The following ZNF423 variants were observed in gnomAD, a reference collection of about 807,000 sequenced individuals.
ZNF423 encodes Ebf-associated zinc finger protein.
Under a neutral mutation model 95.8 loss-of-function variants are expected in ZNF423, and 12 were observed. That is an observed-to-expected ratio of 0.13 (90% CI 0.08 to 0.20). The LOEUF is 0.20. Among genes scored for constraint, ZNF423 ranks in the 10% least tolerant of loss-of-function variants. The pLI is 1.00. For synonymous variants in ZNF423, 749 were observed against 711.9 expected (o/e 1.05, Z -0.83); for missense variants, 1,316 against 1,737.1 (o/e 0.76, Z 4.31).
chr16:49,747,055 G>A (rs577035857), intron 2 of ZNF423, among the ~76,000 whole-genome samples: 1 of 152,180 alleles, frequency 6.6e-6, no homozygotes, highest in Non-Finnish European at 1.5e-5. Flanking sequence ...TCGGGGGAAA[G>A]AGTTTGAGCC....
At chr16:49,734,883 G>A (rs1010796589) in intron 2 of ZNF423, among the ~76,000 whole-genome samples, 12 of 152,204 alleles carry the variant, frequency 7.9e-5, no homozygotes, top group African/African-American at 2.9e-4. Context: ...GGCACCTTAT[G>A]AGTTGATGTC....
rs1322789026 is a variant in ZNF423, at chr16:49,746,249, T to C, written c.101-15278A>G. Among the ~76,000 whole-genome samples, 6 of 152,236 alleles carry C rather than the reference T, an allele frequency of 3.9e-5. No homozygotes were observed. In the East Asian group the frequency reaches 9.7e-4, roughly 24 times the overall value. On this transcript the variant is annotated intron_variant, in intron 2 of 7. Transcript: ENST00000563137. ...TTCCTGCACCGTTAAAGGAATCACCTGGCCACTGGGTGCGGGAAGAAAATG... is the reference window on the plus strand; with the variant it reads ...TTCCTGCACCGTTAAAGGAATCACCCGGCCACTGGGTGCGGGAAGAAAATG...
rs544525518 is a variant in ZNF423, at chr16:49,634,097, G to A, written c.3516+1563C>T. 8.2e-4 allele frequency among the ~76,000 whole-genome samples: 125 copies of A among 151,816 alleles called. 1 individual carries two copies. The highest frequency in any genetic ancestry group is 1.6e-3 in the Non-Finnish European group (107 of 67,940). ...AAATTTTTGTATTTTTAGTAGAGAC[G>A]GGGTTTCACCGTGTTGGCCAGGATG... is the stretch of plus-strand genomic sequence containing the variant. On this transcript the variant is annotated intron_variant, in intron 4 of 7. Coordinates refer to ENST00000563137, the MANE Select transcript of ZNF423 (RefSeq NM_001379286.1).
At chr16:49,775,959 C>G (rs2034113117) in intron 2 of ZNF423, among the ~76,000 whole-genome samples, 1 of 152,260 alleles carries the variant, frequency 6.6e-6, no homozygotes, top group South Asian at 2.1e-4. Context: ...TAACCTCTAG[C>G]ATAATCCCAA....
chr16:49,824,350 GC>G (rs948572593), intron 1 of ZNF423, among the ~76,000 whole-genome samples: 8 of 152,122 alleles, frequency 5.3e-5, no homozygotes, highest in African/African-American at 1.7e-4. Context: ...TAAGGTACAG[GC>G]CCATGGTTCC....
intron 5 of ZNF423, among the ~76,000 whole-genome samples, chr16:49,621,631 GT>G (rs1420551858): frequency 6.6e-6 from 1 of 152,160 alleles, no homozygotes; most frequent in African/African-American, 2.4e-5. Context: ...TACCCACCAA[GT>G]CCCCCTGGTG....
chr16:49,569,965 G>A (rs887671079), intron 5 of ZNF423, among the ~76,000 whole-genome samples: 3 of 152,188 alleles, frequency 2.0e-5, no homozygotes, highest in Non-Finnish European at 4.4e-5. Context: ...ATTCAGAGCT[G>A]CTAAAGGAGG....
At chr16:49,642,807 T>TC (rs1315857375) in intron 3 of ZNF423, among the ~76,000 whole-genome samples, 17,826 of 143,138 alleles carry the variant, frequency 0.12, 1,623 homozygotes, top group South Asian at 0.28. Flanking sequence ...TTTTCTTTTT[T>TC]TTTTTTTTTT....
At chr16:49,532,996 G>A (rs1968913400) in intron 5 of ZNF423, among the ~76,000 whole-genome samples, 1 of 152,122 alleles carries the variant, frequency 6.6e-6, no homozygotes, top group Non-Finnish European at 1.5e-5. Context: ...CGTGGGTGTG[G>A]GTGGGAAGGG....
chr16:49,768,771 C>A (rs1021207779), intron 2 of ZNF423, among the ~76,000 whole-genome samples: 3 of 152,156 alleles, frequency 2.0e-5, no homozygotes, highest in Admixed American at 6.5e-5. Flanking sequence ...CAGCCACACA[C>A]TCATGGCACC....
chr16:49,655,894 T>C (rs1381080061), intron 3 of ZNF423, among the ~76,000 whole-genome samples: 3 of 152,158 alleles, frequency 2.0e-5, no homozygotes, highest in South Asian at 2.1e-4. Flanking sequence ...GCAGAGCACA[T>C]ACAATTGAAG....
chr16:49,564,997 A>G (rs780382952), intron 5 of ZNF423, among the ~76,000 whole-genome samples: 2 of 152,190 alleles, frequency 1.3e-5, no homozygotes, highest in Admixed American at 6.5e-5. Flanking sequence ...AACTTTTCTC[A>G]GAGTTCCATC....
intron 1 of ZNF423, chr16:49,854,014 G>A (rs2035329598): frequency 1.0e-6 from 1 of 985,290 alleles, no homozygotes; most frequent in Non-Finnish European, 1.2e-6. Flanking sequence ...CAGTGAGCCA[G>A]GGAAAGAGAA....
At chr16:49,837,153 C>T (rs1178651056) in intron 1 of ZNF423, among the ~76,000 whole-genome samples, 1 of 152,136 alleles carries the variant, frequency 6.6e-6, no homozygotes, top group Non-Finnish European at 1.5e-5. Flanking sequence ...CCCTCCACCT[C>T]CCACCCCAGT....
intron 2 of ZNF423, among the ~76,000 whole-genome samples, chr16:49,774,773 G>A (rs2034093147): frequency 6.6e-6 from 1 of 152,150 alleles, no homozygotes; most frequent in East Asian, 1.9e-4. Context: ...TGCCTCCCAT[G>A]GTGTTCAGTT....
chr16:49,529,196 T>C (rs1313124928), intron 5 of ZNF423, among the ~76,000 whole-genome samples: 1 of 151,848 alleles, frequency 6.6e-6, no homozygotes, highest in Non-Finnish European at 1.5e-5. Context: ...AAGTGAATTA[T>C]GCAGCCCCGC....
At chr16:49,582,768 T>C (rs1470376833) in intron 5 of ZNF423, among the ~76,000 whole-genome samples, 1 of 152,004 alleles carries the variant, frequency 6.6e-6, no homozygotes, top group Non-Finnish European at 1.5e-5. Context: ...TACTTTTGGA[T>C]GAAAAAACAA....
intron 5 of ZNF423, among the ~76,000 whole-genome samples, chr16:49,544,948 A>G (rs1322909505): frequency 6.6e-6 from 1 of 152,262 alleles, no homozygotes; most frequent in Non-Finnish European, 1.5e-5. Context: ...TGACCAGAGG[A>G]TCAGAGCTGA....
intron 3 of ZNF423, among the ~76,000 whole-genome samples, chr16:49,647,236 G>A (rs1382163009): frequency 6.6e-6 from 1 of 152,250 alleles, no homozygotes; most frequent in Non-Finnish European, 1.5e-5. Context: ...GGCAAAGTCA[G>A]TGGTGGATGA....
Sources: allele counts gnomAD v4.1 joint callset (sites outside exome capture counted in the v4.1 genomes callset), GRCh38; gene constraint gnomAD v4.1.1; transcripts MANE v1.5; gene names NCBI Gene and HGNC (gene_info 2026-07-23, HGNC 2026-07-21).